DOP1B: variants seen among roughly 807,000 people sequenced by gnomAD.
The protein encoded by DOP1B is DOP1 leucine zipper like protein B.
Under a neutral mutation model 233.5 loss-of-function variants are expected in DOP1B, and 174 were observed. The observed-to-expected ratio is 0.75, with a 90% CI of 0.66 to 0.85. The LOEUF is 0.85. Among genes scored for constraint, DOP1B ranks in the 40% least tolerant of loss-of-function variants. DOP1B has a pLI of 0.00. For synonymous variants in DOP1B, 1,190 were observed against 1,185.6 expected (o/e 1.00, Z -0.08); for missense variants, 2,652 against 2,846.6 (o/e 0.93, Z 1.56).
In DOP1B at chr21:36,214,443, G is replaced by A; in HGVS notation, c.1016G>A (p.Gly339Asp). The stretch of plus-strand genomic sequence containing the variant: ...TATGTGGCTTTTTTTAAATAATAGG[G>A]TTTGGCTGAGATATTGCATCAGAAG... Reference protein sequence around the residue: ...EKYSKDLLVEGLAEILHQKFI... With the variant: ...EKYSKDLLVEDLAEILHQKFI... The change falls in exon 9 of 37, where the codon GGT (glycine) becomes GAT (aspartate). Residue 339 changes from glycine to aspartate, a missense_variant and splice_region_variant. Physicochemically the swap from Gly to Asp is moderately conservative, Grantham distance 94. This residue lies in a region of DOP1B where 2,617 missense variants were observed against 2,794.3 expected (regional missense o/e 0.94). Transcript: ENST00000691173. 6.2e-7 allele frequency: 1 copy of A among 1,610,760 alleles called. No homozygotes were observed. Among genetic ancestry groups the A allele is most frequent in the East Asian group, 2.2e-5 (1 of 44,870 alleles).
chr21:36,260,537 T>G, intron 23 of DOP1B, 140 bp from the exon 24 acceptor site: 1 of 1,104,852 alleles, frequency 9.1e-7, no homozygotes, highest in Admixed American at 2.4e-5. Flanking sequence ...GGCACTATCA[T>G]GTCTGTTGTT....
chr21:36,291,546 C>G (rs979789964), intron 35 of DOP1B, among the ~76,000 whole-genome samples: 8 of 152,040 alleles, frequency 5.3e-5, no homozygotes, highest in African/African-American at 1.9e-4. Context: ...GGCGACAGAA[C>G]GAGACTGTCT....
chr21:36,213,412 T>C (rs2123499994), intron 7 of DOP1B, among the ~76,000 whole-genome samples: 1 of 152,158 alleles, frequency 6.6e-6, no homozygotes. Flanking sequence ...CCTTGCAGAC[T>C]TATCCAGGGC....
chr21:36,213,551 G>A (rs1293351745), intron 7 of DOP1B, among the ~76,000 whole-genome samples: 1 of 151,726 alleles, frequency 6.6e-6, no homozygotes, highest in Non-Finnish European at 1.5e-5. Flanking sequence ...AGCACTTTGG[G>A]AGGCCGAGGC....
intron 2 of DOP1B, among the ~76,000 whole-genome samples, chr21:36,178,291 G>C (rs1187816688): frequency 1.3e-5 from 2 of 152,162 alleles, no homozygotes; most frequent in Non-Finnish European, 2.9e-5. Context: ...AGGAGTTTGA[G>C]ACCAGCCTGG....
rs753924138 is a variant in DOP1B, at chr21:36,212,031, G to C, written c.838G>C (p.Ala280Pro). Residue 280 changes from alanine to proline, a missense_variant, in exon 7 of 37, where the codon GCC (alanine) becomes CCC (proline). By Grantham distance (27) the Ala-to-Pro change is conservative (BLOSUM62 -1). Around this residue, in one of 3 missense-constraint regions of DOP1B, gnomAD observed 2,617 missense variants for 2,794.3 expected, o/e 0.94. Transcript: ENST00000691173. ...LRSDIVRILSAATQTLLRRDM... is the reference protein window; with the variant it reads ...LRSDIVRILSPATQTLLRRDM... ...ATCTGACATCGTGCGCATTCTCTCA[G>C]CCGCCACCCAGACCCTACTGAGAAG... The C allele has an allele frequency of 2.4e-5, 38 of 1,613,968 alleles. No individual in the cohort carries two copies. Among genetic ancestry groups the C allele is most frequent in the Non-Finnish European group, 3.2e-5 (38 of 1,179,986 alleles).
In DOP1B at chr21:36,287,961, A is replaced by G. The variant is rs562346174; in HGVS notation, c.6161-53A>G. On this transcript the variant is annotated intron_variant, in intron 32 of 36. Coordinates refer to ENST00000691173, the MANE Select transcript of DOP1B (RefSeq NM_001320714.2). Reference sequence around the variant, plus strand: ...CAGTTTTATTTTTCTTTGTCTGATAAGAAACCCTAAACTGCATATTTGTGT... The same window carrying G: ...CAGTTTTATTTTTCTTTGTCTGATAGGAAACCCTAAACTGCATATTTGTGT... The G allele has an allele frequency of 2.3e-5, 36 of 1,574,876 alleles. No individual in the cohort carries two copies. In the African/African-American group the frequency reaches 4.7e-4, roughly 20 times the overall value.
chr21:36,217,258 A>G (rs141037875), intron 9 of DOP1B, among the ~76,000 whole-genome samples: 1 of 151,798 alleles, frequency 6.6e-6, no homozygotes, highest in Non-Finnish European at 1.5e-5. Context: ...GGAAGGGGAG[A>G]CTCCATGTTC....
At chr21:36,247,458 AC>A (rs2066980467) in intron 19 of DOP1B, 58 bp from the exon 20 acceptor site, 2 of 1,250,976 alleles carry the variant, frequency 1.6e-6, no homozygotes, top group Admixed American at 2.5e-5. Flanking sequence ...AGGATTAGAA[AC>A]CCTTATGGCC....
chr21:36,258,216 C>T (rs1162816876), intron 23 of DOP1B, among the ~76,000 whole-genome samples: 1 of 152,024 alleles, frequency 6.6e-6, no homozygotes, highest in East Asian at 1.9e-4. Context: ...TTAAGACCAG[C>T]CTGGGCAACA....
chr21:36,225,830 C>A (rs2066676365), intron 12 of DOP1B, among the ~76,000 whole-genome samples, 163 bp downstream of exon 12: 1 of 152,160 alleles, frequency 6.6e-6, no homozygotes, highest in South Asian at 2.1e-4. Context: ...TGGATGTAAT[C>A]TCTTAAATTT....
chr21:36,260,264 A>G (rs920357964), intron 23 of DOP1B, among the ~76,000 whole-genome samples: 27 of 81,852 alleles, frequency 3.3e-4, no homozygotes, highest in African/African-American at 2.9e-3. Flanking sequence ...GGAAGGAAGG[A>G]AGGAAAGAAA....
chr21:36,183,503 G>T lies in DOP1B; in HGVS notation c.139-15567G>T, dbSNP rs925129730. Among the ~76,000 whole-genome samples, 12 of 152,208 alleles carry T rather than the reference G, an allele frequency of 7.9e-5. 1 individual carries two copies. The highest frequency in any genetic ancestry group is 2.7e-4 in the African/African-American group (11 of 41,446). On this transcript the variant is annotated intron_variant, in intron 2 of 36. Coordinates refer to ENST00000691173, the MANE Select transcript of DOP1B (RefSeq NM_001320714.2). ...GTTTCTTCTGCAGGCTGACGTGGAC[G>T]TACTTGTCTGTTGACAGTAAAGGTA...
At chr21:36,183,896 C>T (rs891448194) in intron 2 of DOP1B, among the ~76,000 whole-genome samples, 1 of 151,032 alleles carries the variant, frequency 6.6e-6, no homozygotes, top group African/African-American at 2.4e-5. Flanking sequence ...TGGCGTCTCA[C>T]TCTGTCGCCC....
intron 35 of DOP1B, among the ~76,000 whole-genome samples, chr21:36,289,805 A>G (rs915872975): frequency 1.3e-5 from 2 of 152,202 alleles, no homozygotes; most frequent in East Asian, 1.9e-4. Flanking sequence ...AAGGCTACAC[A>G]CTGTATGATT....
At chr21:36,218,440 T>C (rs2066585592) in intron 9 of DOP1B, among the ~76,000 whole-genome samples, 1 of 152,058 alleles carries the variant, frequency 6.6e-6, no homozygotes, top group Admixed American at 6.6e-5. Context: ...AGAGAATTGC[T>C]TGAACCCGGG....
intron 23 of DOP1B, among the ~76,000 whole-genome samples, chr21:36,260,153 T>C (rs1439526731): frequency 9.4e-5 from 3 of 31,900 alleles, no homozygotes; most frequent in African/African-American, 2.3e-4. Context: ...AAGACTCTTG[T>C]AAAAAGAAAA....
chr21:36,230,427 T>G, intron 13 of DOP1B, 23 bp from the exon 14 acceptor site: 1 of 1,587,254 alleles, frequency 6.3e-7, no homozygotes, highest in South Asian at 1.1e-5. Flanking sequence ...GATGCACAAT[T>G]CACATCTTTT....
At chr21:36,162,432 T>G (rs1264154454) in intron 1 of DOP1B, among the ~76,000 whole-genome samples, 1 of 152,226 alleles carries the variant, frequency 6.6e-6, no homozygotes. Flanking sequence ...TGGACTCAAG[T>G]GATCCACCTG....
Sources: gnomAD v4.1 joint callset for allele counts (sites outside exome capture counted in the v4.1 genomes callset) on GRCh38, gnomAD v4.1.1 for gene constraint, gnomAD v4.1.1 regional missense constraint, MANE v1.5 for transcripts, NCBI Gene and HGNC (gene_info 2026-07-23, HGNC 2026-07-21) for gene names.